USH2A: variants seen among roughly 807,000 people sequenced by gnomAD.
USH2A encodes the protein Usher syndrome 2A (autosomal recessive, mild).
In USH2A, 443 loss-of-function variants were observed where a neutral mutation model predicts 538.9. The ratio of observed to expected loss-of-function variants is 0.82; its 90% CI spans 0.76 to 0.89. The LOEUF (loss-of-function observed/expected upper bound fraction) is 0.89. Ranked by LOEUF, USH2A falls within the 40% of genes least tolerant of loss-of-function variation. USH2A has a pLI of 0.00. For synonymous variants in USH2A, 2,413 were observed against 2,273.5 expected (o/e 1.06, Z -1.75); for missense variants, 6,633 against 6,324.8 (o/e 1.05, Z -1.65).
At chr1:216,185,738 A>C (rs2102650721) in intron 20 of USH2A, among the ~76,000 whole-genome samples, 1 of 152,106 alleles carries the variant, frequency 6.6e-6, no homozygotes, top group Admixed American at 6.6e-5. Context: ...ACCATTCTAA[A>C]GAACTGGCTT....
At chr1:216,194,509 T>C (rs2034794331) in intron 19 of USH2A, among the ~76,000 whole-genome samples, 1 of 152,100 alleles carries the variant, frequency 6.6e-6, no homozygotes, top group African/African-American at 2.4e-5. Context: ...TTTATATCGA[T>C]AGCATCATAT....
At chr1:216,023,469 A>AAC (rs1553290926) in intron 32 of USH2A, among the ~76,000 whole-genome samples, 9 of 148,246 alleles carry the variant, frequency 6.1e-5, no homozygotes, top group African/African-American at 1.7e-4. Context: ...CAAAAAAAAA[A>AAC]AAAAAAAAAA....
At chr1:216,042,704 A>T (rs1043585586) in intron 32 of USH2A, among the ~76,000 whole-genome samples, 1 of 152,140 alleles carries the variant, frequency 6.6e-6, no homozygotes, top group Non-Finnish European at 1.5e-5. Flanking sequence ...GACTTCAGAC[A>T]GACAGAGTCC....
intron 22 of USH2A, among the ~76,000 whole-genome samples, chr1:216,094,955 G>GGTGT (rs34985923): frequency 0.027 from 3,964 of 147,808 alleles, 173 homozygotes; most frequent in African/African-American, 0.091. Context: ...TGCGTGTGTA[G>GGTGT]GTGTGTGTGT....
At chr1:215,709,704 GCTGA>G (rs1404114414) in intron 61 of USH2A, among the ~76,000 whole-genome samples, 5 of 150,338 alleles carry the variant, frequency 3.3e-5, no homozygotes, top group Non-Finnish European at 7.4e-5. Context: ...AGTGGGAAGT[GCTGA>G]CTATTATTGG....
At chr1:216,195,626 A>G (rs2034824203) in intron 19 of USH2A, 1 of 152,362 alleles carries the variant, frequency 6.6e-6, no homozygotes, top group African/African-American at 2.4e-5. Flanking sequence ...GGCCAAGGGC[A>G]TGAAAAAAAA....
chr1:215,772,428 A>T (rs1451122211), intron 55 of USH2A, among the ~76,000 whole-genome samples: 1 of 152,214 alleles, frequency 6.6e-6, no homozygotes, highest in Admixed American at 6.5e-5. Context: ...AGTGAAGATT[A>T]CTGTGGCTGC....
intron 32 of USH2A, among the ~76,000 whole-genome samples, chr1:216,004,134 T>C (rs1264169220): frequency 6.6e-6 from 1 of 152,164 alleles, no homozygotes. Context: ...ATAATGAATG[T>C]CAATTAGACA....
intron 62 of USH2A, 67 bp downstream of exon 62, chr1:215,680,082 C>T (rs1022920966): frequency 1.3e-6 from 2 of 1,501,718 alleles, no homozygotes; most frequent in Non-Finnish European, 1.9e-6. Context: ...GACCTGATGG[C>T]ATGTCAGGGC....
intron 14 of USH2A, among the ~76,000 whole-genome samples, chr1:216,219,710 T>C (rs1270115014): frequency 6.6e-6 from 1 of 152,174 alleles, no homozygotes; most frequent in Non-Finnish European, 1.5e-5. Flanking sequence ...ACTCTCTTGG[T>C]ACAGCCAGAG....
chr1:216,265,635 G>GATAT (rs55801516), intron 11 of USH2A, among the ~76,000 whole-genome samples: 5 of 149,252 alleles, frequency 3.4e-5, no homozygotes, highest in Non-Finnish European at 7.4e-5. Flanking sequence ...AAGAAAATTT[G>GATAT]ATATATATAT....
intron 58 of USH2A, among the ~76,000 whole-genome samples, chr1:215,756,313 A>G (rs762480804): frequency 2.6e-5 from 4 of 152,192 alleles, no homozygotes; most frequent in African/African-American, 4.8e-5. Flanking sequence ...TAAAATAAAG[A>G]TATTTTCAAA....
intron 21 of USH2A, among the ~76,000 whole-genome samples, chr1:216,120,904 T>C (rs1287035818): frequency 6.6e-6 from 1 of 152,086 alleles, no homozygotes; most frequent in Non-Finnish European, 1.5e-5. Flanking sequence ...TATGATTACA[T>C]GAGACAGCAA....
intron 61 of USH2A, among the ~76,000 whole-genome samples, chr1:215,715,057 A>C (rs1659446110): frequency 6.6e-6 from 1 of 152,210 alleles, no homozygotes; most frequent in Non-Finnish European, 1.5e-5. Context: ...AACGTGTGCC[A>C]TGGTGGTTTG....
intron 4 of USH2A, among the ~76,000 whole-genome samples, chr1:216,352,248 A>G (rs2038301365): frequency 6.6e-6 from 1 of 152,048 alleles, no homozygotes; most frequent in Non-Finnish European, 1.5e-5. Context: ...TTGGGGTACC[A>G]ATACTAAGAG....
chr1:215,727,198 T>TATACACACAC (rs1659846774), intron 61 of USH2A, among the ~76,000 whole-genome samples: 1 of 152,076 alleles, frequency 6.6e-6, no homozygotes, highest in African/African-American at 2.4e-5. Context: ...TAAATACATA[T>TATACACACAC]ATACACACAC....
In USH2A at chr1:215,878,787, G is replaced by A; in HGVS notation, c.8535C>T (p.Ser2845=). ...SYVVISWQPP[S]KPNGPNLRYE... ...ACCTCAAATTAGGTCCATTTGGCTT[G>A]GATGGTGGTTGCCAAGAAATCACAA... Residue 2845 remains serine (S), a synonymous_variant, in exon 42 of 72, where the codon TCC becomes TCT. Coordinates refer to ENST00000307340, the MANE Select transcript of USH2A (RefSeq NM_206933.4). 6.2e-7 allele frequency: 1 copy of A among 1,613,962 alleles called. No homozygotes were observed. Among genetic ancestry groups the A allele is most frequent in the Non-Finnish European group, 8.5e-7 (1 of 1,179,926 alleles).
At chr1:216,327,368 G>A (rs1401799874) in intron 5 of USH2A, among the ~76,000 whole-genome samples, 3 of 152,042 alleles carry the variant, frequency 2.0e-5, no homozygotes. Flanking sequence ...ATATCCTTAG[G>A]AAAAATGTGA....
intron 27 of USH2A, among the ~76,000 whole-genome samples, chr1:216,076,354 A>G (rs2031749989): frequency 6.6e-6 from 1 of 152,174 alleles, no homozygotes; most frequent in Non-Finnish European, 1.5e-5. Flanking sequence ...ACTTAGTCAT[A>G]GTGTGTAGGT....
Sources: gnomAD v4.1 joint callset for allele counts (sites outside exome capture counted in the v4.1 genomes callset) on GRCh38, gnomAD v4.1.1 for gene constraint, MANE v1.5 for transcripts, NCBI Gene and HGNC (gene_info 2026-07-23, HGNC 2026-07-21) for gene names.